Variants in PLEKHG4B observed in about 807,000 individuals in gnomAD.
The protein encoded by PLEKHG4B is pleckstrin homology and RhoGEF domain containing G4B.
In PLEKHG4B, 111 loss-of-function variants were observed where a neutral mutation model predicts 121.3. The ratio of observed to expected loss-of-function variants is 0.92; its 90% CI spans 0.78 to 1.07. PLEKHG4B has a LOEUF of 1.07. Among genes scored for constraint, PLEKHG4B ranks in the 50% least tolerant of loss-of-function variants. The pLI is 0.00. For missense variants in PLEKHG4B, 1,831 were observed against 1,757.8 expected (o/e 1.04, Z -0.74); for synonymous variants, 738 against 725.0 (o/e 1.02, Z -0.29).
At chr5:145,016 C>T in intron 6 of PLEKHG4B, 96 bp downstream of exon 6, 1 of 1,155,274 alleles carries the variant, frequency 8.7e-7, no homozygotes, top group Non-Finnish European at 1.3e-6. Context: ...GTAGCCAGTC[C>T]ACAGGCTTAG....
Position 156,839 on chromosome 5 carries a change from C to T in PLEKHG4B, c.2415C>T (p.Leu805=), listed in dbSNP as rs762517045. 13 of 1,601,714 alleles carry T rather than the reference C, an allele frequency of 8.1e-6. No individual in the cohort carries two copies. The Admixed American group carries it at 2.0e-4, about 25-fold the overall frequency. ...RVDEEVHRLV[L]TSNNRLQQLE... is the part of the protein sequence containing the mutation. ...ATGAGGAGGTGCACAGGCTGGTCCT[C>T]ACCTCGAACAATCGTCTCCAGCAGC... Residue 805 remains leucine (L), a synonymous_variant, in exon 11 of 20, where the codon CTC becomes CTT. Transcript: ENST00000637938. The surrounding 1 kb of genome is among the most constrained non-coding windows in gnomAD (Gnocchi z 4.4).
At chr5:114,281 T>C (rs140123163) in intron 2 of PLEKHG4B, among the ~76,000 whole-genome samples, 1 of 152,288 alleles carries the variant, frequency 6.6e-6, no homozygotes, top group African/African-American at 2.4e-5. Context: ...GAACGATTAC[T>C]CCGACAGGCA....
intron 2 of PLEKHG4B, among the ~76,000 whole-genome samples, chr5:119,173 A>G (rs751521540): frequency 7.2e-5 from 11 of 152,080 alleles, no homozygotes; most frequent in Non-Finnish European, 1.3e-4. Flanking sequence ...TTAAGTGTAC[A>G]TGTAGCTTAC....
chr5:177,120 T>G (rs554990303), intron 18 of PLEKHG4B, among the ~76,000 whole-genome samples: 1 of 152,366 alleles, frequency 6.6e-6, no homozygotes, highest in African/African-American at 2.4e-5. Context: ...TTTAATTAAT[T>G]TCTACTCTTT....
At chr5:133,941 C>CACACACACACACACATATAT (rs34900477) in intron 2 of PLEKHG4B, among the ~76,000 whole-genome samples, 2 of 146,288 alleles carry the variant, frequency 1.4e-5, no homozygotes, top group South Asian at 2.1e-4. Context: ...CACACACACA[C>CACACACACACACACATATAT]ATATATATAT....
chr5:181,393 G>A lies in PLEKHG4B; in HGVS notation c.4403-121G>A, dbSNP rs553948940. The A allele has an allele frequency of 4.0e-3, 4,170 of 1,041,758 alleles. 15 individuals carry two copies. Among genetic ancestry groups the A allele is most frequent in the Non-Finnish European group, 4.6e-3 (3,346 of 725,992 alleles). The allele number at this position is 1,041,758 out of a possible 1,614,324, so 64.5% of individuals were successfully genotyped here. A position where few individuals can be genotyped will look rare whatever the true frequency, so the allele number is the denominator to read the frequency against. On this transcript the variant is annotated intron_variant, in intron 18 of 19. Coordinates refer to ENST00000637938, the MANE Select transcript of PLEKHG4B (RefSeq NM_052909.5). ...GCCCCCCATGCCCCTCGTGGGGCAG[G>A]GTGGGTATACCCTGTACACCCTCCT...
chr5:146,110 C>A (rs944434574), intron 6 of PLEKHG4B, among the ~76,000 whole-genome samples: 2 of 146,860 alleles, frequency 1.4e-5, no homozygotes, highest in South Asian at 4.4e-4. Flanking sequence ...CCTCTCCCTA[C>A]TTGCAGTCCT....
At chr5:177,343 T>C (rs1403332513) in intron 18 of PLEKHG4B, among the ~76,000 whole-genome samples, 1 of 152,230 alleles carries the variant, frequency 6.6e-6, no homozygotes, top group Admixed American at 6.5e-5. Context: ...CAGTTCAGTA[T>C]ATTTTCTAAC....
rs1244089845 is a variant in PLEKHG4B, at chr5:163,401, G to C, written c.3329G>C (p.Gly1110Ala). Residue 1110 changes from glycine to alanine, a missense_variant, in exon 13 of 20, where the codon GGC (glycine) becomes GCC (alanine). Coordinates refer to ENST00000637938, the MANE Select transcript of PLEKHG4B (RefSeq NM_052909.5). ...QPDHTSVFSK[G>A]LEVTSTVATE... ...GACCATACTAGTGTCTTCAGCAAGG[G>C]CCTGGAGGTAACCAGCACTGTAGCC... The C allele has an allele frequency of 6.2e-7, 1 of 1,612,952 alleles. No individual in the cohort carries two copies. The highest frequency in any genetic ancestry group is 1.7e-5 in the Admixed American group (1 of 60,016).
At chr5:169,208 A>G in intron 13 of PLEKHG4B, 132 bp from the exon 14 acceptor site, 2 of 1,257,144 alleles carry the variant, frequency 1.6e-6, no homozygotes, top group Non-Finnish European at 2.2e-6. Flanking sequence ...ACATGTGCCC[A>G]TGTGCCTCCA....
In PLEKHG4B at chr5:92,202, G is replaced by A. The variant is rs1470546221; in HGVS notation, c.-30G>A. 2 of 376,448 alleles carry A rather than the reference G, an allele frequency of 5.3e-6. No homozygotes were observed. The highest frequency in any genetic ancestry group is 9.4e-6 in the Non-Finnish European group (2 of 212,950). The allele number at this position is 376,448 out of a possible 1,614,324, so 23.3% of individuals were successfully genotyped here. A position where few individuals can be genotyped will look rare whatever the true frequency, so the allele number is the denominator to read the frequency against. On this transcript the variant is annotated 5_prime_UTR_variant, in exon 1 of 20. Transcript: ENST00000637938. ...CGGGACCAGGCAGAGTTCGGGGAAA[G>A]CGTCGGAGTTCGGGAGACCAGGGTC...
rs1181120310 is a variant in PLEKHG4B at position 157,220 on chromosome 5, C to T, written c.2487+309C>T. On this transcript the variant is annotated intron_variant, in intron 11 of 19. Transcript: ENST00000637938. The surrounding 1 kb of genome is among the most constrained non-coding windows in gnomAD (Gnocchi z 4.6). ...TGAATAGCTGGGTGTATCTTCCGGACGCTTTCTCCATGTGCATGCGTACAC... is the reference window on the plus strand; with the variant it reads ...TGAATAGCTGGGTGTATCTTCCGGATGCTTTCTCCATGTGCATGCGTACAC... 2 of 397,470 alleles carry T rather than the reference C, an allele frequency of 5.0e-6. No homozygotes were observed. Among genetic ancestry groups the T allele is most frequent in the Non-Finnish European group, 9.6e-6 (2 of 209,020 alleles). 24.6% of individuals were successfully genotyped at this position (397,470 alleles called of 1,614,324 possible).
In PLEKHG4B at chr5:162,763, C is replaced by G; in HGVS notation, c.2691C>G (p.Pro897=). The G allele has an allele frequency of 6.8e-7, 1 of 1,475,418 alleles. No individual in the cohort carries two copies. Among genetic ancestry groups the G allele is most frequent in the Non-Finnish European group, 9.0e-7 (1 of 1,114,152 alleles). The allele number at this position is 1,475,418 out of a possible 1,614,324, so 91.4% of individuals were successfully genotyped here. ...GGCCCCTGGACCCGGAGGCTTGTCC[C>G]TCCTCACCCGTGGCTGAGTGTTTGA... ...WMGPLDPEAC[P]SSPVAECLRS... The change falls in exon 13 of 20, where the codon CCC becomes CCG. Residue 897 remains proline (P), a synonymous_variant. Coordinates refer to ENST00000637938, the MANE Select transcript of PLEKHG4B (RefSeq NM_052909.5).
At chr5:140,750 C>G (rs1735147801) in intron 3 of PLEKHG4B, 34 bp downstream of exon 3, 2 of 1,499,736 alleles carry the variant, frequency 1.3e-6, no homozygotes, top group African/African-American at 1.4e-5. Context: ...CTGCGCACCC[C>G]CACAACCTCC....
chr5:178,346 C>G (rs1053855195), intron 18 of PLEKHG4B, among the ~76,000 whole-genome samples: 1 of 152,206 alleles, frequency 6.6e-6, no homozygotes, highest in Non-Finnish European at 1.5e-5. Flanking sequence ...CTGCCCTGCT[C>G]ATGCCTGTCT....
chr5:166,457 GCGGAGC>G (rs1452132467), intron 13 of PLEKHG4B, among the ~76,000 whole-genome samples: 1 of 113,756 alleles, frequency 8.8e-6, no homozygotes, highest in African/African-American at 3.6e-5. Context: ...CTCTGACGGG[GCGGAGC>G]TCACACTAAT....
chr5:145,514 C>A (rs967394579), intron 6 of PLEKHG4B, among the ~76,000 whole-genome samples: 1 of 152,230 alleles, frequency 6.6e-6, no homozygotes, highest in African/African-American at 2.4e-5. Flanking sequence ...GCGCATGCCA[C>A]CATGCCCGGC....
At chr5:117,875 A>G (rs1369638109) in intron 2 of PLEKHG4B, among the ~76,000 whole-genome samples, 1 of 152,170 alleles carries the variant, frequency 6.6e-6, no homozygotes, top group African/African-American at 2.4e-5. Context: ...ACGTTTAGGG[A>G]AAAGTAATCA....
At chr5:122,713 C>CGTGT (rs945596512) in intron 2 of PLEKHG4B, among the ~76,000 whole-genome samples, 1 of 152,072 alleles carries the variant, frequency 6.6e-6, no homozygotes, top group African/African-American at 2.4e-5. Flanking sequence ...AGCCACCGCA[C>CGTGT]CTGGCCAAAA....
Sources: gnomAD v4.1 joint callset for allele counts (sites outside exome capture counted in the v4.1 genomes callset) on GRCh38, gnomAD v4.1.1 for gene constraint, Gnocchi (gnomAD v3.1) non-coding constraint, MANE v1.5 for transcripts, NCBI Gene and HGNC (gene_info 2026-07-23, HGNC 2026-07-21) for gene names.